Variants in ZFYVE26 observed in about 807,000 individuals in gnomAD.
ZFYVE26 encodes zinc finger FYVE-type containing 26.
In ZFYVE26, 181 loss-of-function variants were observed where a neutral mutation model predicts 276.5. The observed-to-expected ratio is 0.65, with a 90% CI of 0.58 to 0.74. The LOEUF is 0.74. Among genes scored for constraint, ZFYVE26 ranks in the 30% least tolerant of loss-of-function variants. The pLI is 0.00. For synonymous variants in ZFYVE26, 1,129 were observed against 1,203.1 expected (o/e 0.94, Z 1.27); for missense variants, 2,821 against 3,097.9 (o/e 0.91, Z 2.12).
chr14:67,796,128 A>AT (rs1421621771), intron 12 of ZFYVE26: 1 of 152,170 alleles, frequency 6.6e-6, no homozygotes, highest in African/African-American at 2.4e-5. Flanking sequence ...TCAGAGCTGG[A>AT]TGGAGGGATC....
At chr14:67,797,434 T>G in intron 12 of ZFYVE26, 7 of 565,900 alleles carry the variant, frequency 1.2e-5, no homozygotes, top group Non-Finnish European at 2.2e-5. Context: ...GCTGCAGTTC[T>G]CAATATATAG....
intron 28 of ZFYVE26, 76 bp downstream of exon 28, chr14:67,771,971 T>G (rs1192920321): frequency 1.3e-6 from 2 of 1,564,484 alleles, no homozygotes; most frequent in Admixed American, 1.8e-5. Context: ...AGGCGGTGAT[T>G]GTAAACTCAG....
At chr14:67,732,901 T>C (rs2038301931) in intron 13 of ZFYVE26, among the ~76,000 whole-genome samples, 2 of 152,112 alleles carry the variant, frequency 1.3e-5, no homozygotes, top group Admixed American at 1.3e-4. Context: ...TTTCTTCTTT[T>C]ATCAGCACTG....
chr14:67,748,501 T>G lies in ZFYVE26; in HGVS notation c.7555A>C (p.Ile2519Leu). The change falls in exon 42 of 42, where the codon ATC becomes CTC. Residue 2519 changes from isoleucine to leucine, a missense_variant. Physicochemically the swap from Ile to Leu is conservative, Grantham distance 5. Transcript: ENST00000347230. ...KSSGDAVVQD[I>L]CAQWLLTSHP... is the part of the protein sequence containing the mutation. The stretch of plus-strand genomic sequence containing the variant: ...CTTGTCAGAAGCCACTGGGCACAGA[T>G]GTCTTGCACTACTGCATCCCCGCTG... 6.2e-7 allele frequency: 1 copy of G among 1,613,766 alleles called. No homozygotes were observed. Among genetic ancestry groups the G allele is most frequent in the African/African-American group, 1.3e-5 (1 of 75,058 alleles).
chr14:67,771,741 T>C (rs2039215170), intron 28 of ZFYVE26, among the ~76,000 whole-genome samples: 1 of 152,144 alleles, frequency 6.6e-6, no homozygotes, highest in Admixed American at 6.5e-5. Flanking sequence ...AGTCTTACTG[T>C]CAAAGACATG....
intron 25 of ZFYVE26, among the ~76,000 whole-genome samples, chr14:67,776,471 G>A (rs995948582): frequency 1.3e-5 from 2 of 152,330 alleles, no homozygotes; most frequent in South Asian, 4.1e-4. Flanking sequence ...AATAACACTT[G>A]CTTTACAAAT....
chr14:67,780,978 T>G (rs2039483172), intron 22 of ZFYVE26, among the ~76,000 whole-genome samples: 1 of 152,210 alleles, frequency 6.6e-6, no homozygotes, highest in Non-Finnish European at 1.5e-5. Context: ...AAATAGCTCT[T>G]GAAATGTTGC....
intron 37 of ZFYVE26, among the ~76,000 whole-genome samples, chr14:67,754,434 G>T (rs1011095635): frequency 2.6e-5 from 4 of 152,248 alleles, no homozygotes; most frequent in Non-Finnish European, 4.4e-5. Context: ...TGTGGAACCA[G>T]ATAGGGTCCA....
chr14:67,744,002 A>T (rs181511380), downstream of ZFYVE26, among the ~76,000 whole-genome samples: 2 of 152,360 alleles, frequency 1.3e-5, no homozygotes, highest in Admixed American at 1.3e-4. Context: ...TCCACCAAAG[A>T]AGCCATTCAG....
Position 67,807,547 on chromosome 14 carries a change from G to C in ZFYVE26, c.737C>G (p.Ala246Gly). ...CAGGGGACTCCCCTCGGTCCTGCAG[G>C]CCTCTAGTAGTTCCTCACACAGGAG... ...LHLLCEELLE[A>G]CRTEGSPLRE... The change falls in exon 5 of 42, where the codon GCC becomes GGC. Residue 246 changes from alanine to glycine, a missense_variant. Ala to Gly is a moderately conservative substitution (Grantham distance 60). Transcript: ENST00000347230. 1 of 1,614,204 alleles carries C rather than the reference G, an allele frequency of 6.2e-7. No individual in the cohort carries two copies. The highest frequency in any genetic ancestry group is 8.5e-7 in the Non-Finnish European group (1 of 1,180,036).
rs2039306187 is a variant in ZFYVE26, at chr14:67,775,085, G to A, written c.5251C>T (p.His1751Tyr). The stretch of plus-strand genomic sequence containing the variant: ...AGGGTCTCGGGATCTGCAGCCTGGT[G>A]GACAATTTCTTGGAGGTGAATCACA... ...DSVIHLQEIV[H>Y]QAADPETLPR... The change falls in exon 27 of 42, where the codon CAC becomes TAC. Residue 1751 changes from histidine (H) to tyrosine (Y), a missense_variant. His to Tyr is a moderately conservative substitution (Grantham distance 83). Coordinates refer to ENST00000347230, the MANE Select transcript of ZFYVE26 (RefSeq NM_015346.4). 6.2e-7 allele frequency: 1 copy of A among 1,611,642 alleles called. No individual in the cohort carries two copies. The highest frequency in any genetic ancestry group is 8.5e-7 in the Non-Finnish European group (1 of 1,179,240).
At chr14:67,792,470 A>G (rs1315681254) in intron 14 of ZFYVE26, among the ~76,000 whole-genome samples, 1 of 152,212 alleles carries the variant, frequency 6.6e-6, no homozygotes, top group Non-Finnish European at 1.5e-5. Flanking sequence ...ACCAGGTATT[A>G]CATTTAACTC....
chr14:67,748,322 C>G lies in ZFYVE26; in HGVS notation c.*114G>C. On this transcript the variant is annotated 3_prime_UTR_variant, in exon 42 of 42. Transcript: ENST00000347230. ...TAGGGTCCAATCCAACTCTTTCCAA[C>G]CTAGGGCAGAGCCAGAGAAGTCCCA... 8.0e-7 allele frequency: 1 copy of G among 1,253,454 alleles called. No individual in the cohort carries two copies. The highest frequency in any genetic ancestry group is 1.1e-6 in the Non-Finnish European group (1 of 901,026). 77.6% of individuals were successfully genotyped at this position (1,253,454 alleles called of 1,614,324 possible). A position where few individuals can be genotyped will look rare whatever the true frequency, so the allele number is the denominator to read the frequency against.
At chr14:67,762,572 G>T in intron 33 of ZFYVE26, 100 bp downstream of exon 33, 1 of 1,588,178 alleles carries the variant, frequency 6.3e-7, no homozygotes, top group Non-Finnish European at 8.6e-7. Context: ...TACCCCATGG[G>T]CAGGACAACT....
In ZFYVE26 at chr14:67,805,295, C is replaced by T. The variant is rs148051385; in HGVS notation, c.1193G>A (p.Cys398Tyr). Residue 398 changes from cysteine to tyrosine, a missense_variant, in exon 8 of 42, where the codon TGT (cysteine) becomes TAT (tyrosine). By Grantham distance (194) the Cys-to-Tyr change is radical (BLOSUM62 -2). Coordinates refer to ENST00000347230, the MANE Select transcript of ZFYVE26 (RefSeq NM_015346.4). ...ACAGGCATCCCTGAGGAGCTCATCA[C>T]AGCCTGGGCCCTATGTTGATATGGG... ...QTLHRTQGPG[C>Y]DELLRDACDG... The T allele has an allele frequency of 1.3e-5, 21 of 1,614,028 alleles. No individual in the cohort carries two copies. The African/African-American group carries it at 1.7e-4, about 13-fold the overall frequency.
Position 67,798,092 on chromosome 14 carries a change from T to C in ZFYVE26, c.2170A>G (p.Ser724Gly), listed in dbSNP as rs763828801. The C allele has an allele frequency of 6.2e-7, 1 of 1,614,184 alleles. No individual in the cohort carries two copies. The highest frequency in any genetic ancestry group is 8.5e-7 in the Non-Finnish European group (1 of 1,180,018). Residue 724 changes from serine to glycine, a missense_variant, in exon 11 of 42, where the codon AGC becomes GGC. Physicochemically the swap from Ser to Gly is moderately conservative, Grantham distance 56. Transcript: ENST00000347230. ...SCSGSRDGLQ[S>G]RLHRLSKVVS... ...ACCTTGGAAAGTCGATGCAGGCGGC[T>C]CTGCAGTCCATCTCTGCTTCCTGAG... is the stretch of plus-strand genomic sequence containing the variant.
Position 67,773,551 on chromosome 14 carries a change from GC to G in ZFYVE26, c.5321-1342del, listed in dbSNP as rs139760453. Among the ~76,000 whole-genome samples, 1,231 of 125,828 alleles carry G rather than the reference GC, an allele frequency of 9.8e-3. 21 individuals carry two copies. The highest frequency in any genetic ancestry group is 0.033 in the African/African-American group (1,197 of 36,328). The allele number at this position is 125,828 out of a possible 152,430, so 82.5% of individuals were successfully genotyped here. On this transcript the variant is annotated intron_variant, in intron 27 of 41. Coordinates refer to ENST00000347230, the MANE Select transcript of ZFYVE26 (RefSeq NM_015346.4). The stretch of plus-strand genomic sequence containing the variant: ...CCTGTCTCCAAAAAAAAAAAAAAAG[GC>G]GCACACACACACACACACACCCCAA...
chr14:67,784,353 T>C lies in ZFYVE26; in HGVS notation c.3607A>G (p.Arg1203Gly). 6.2e-7 allele frequency: 1 copy of C among 1,614,088 alleles called. No individual in the cohort carries two copies. The highest frequency in any genetic ancestry group is 8.5e-7 in the Non-Finnish European group (1 of 1,179,988). Residue 1203 changes from arginine (R) to glycine (G), a missense_variant, in exon 20 of 42, where the codon AGA (arginine) becomes GGA (glycine). Arg to Gly is a moderately radical substitution (Grantham distance 125, BLOSUM62 -2). Coordinates refer to ENST00000347230, the MANE Select transcript of ZFYVE26 (RefSeq NM_015346.4). ...TCCTACCTCTCTGGGGGAACTTGTC[T>C]CTCAAACAGGAGATGTGACACCAGT... Reference protein sequence around the residue: ...SQLVSHLLFERQVPPERLAAL... With the variant: ...SQLVSHLLFEGQVPPERLAAL...
Position 67,768,546 on chromosome 14 carries a change from A to G in ZFYVE26, c.5624T>C (p.Val1875Ala). 6.2e-7 allele frequency: 1 copy of G among 1,614,146 alleles called. No homozygotes were observed. Among genetic ancestry groups the G allele is most frequent in the Non-Finnish European group, 8.5e-7 (1 of 1,179,976 alleles). The change falls in exon 30 of 42, where the codon GTA (valine) becomes GCA (alanine). Residue 1875 changes from valine to alanine, a missense_variant and splice_region_variant. Coordinates refer to ENST00000347230, the MANE Select transcript of ZFYVE26 (RefSeq NM_015346.4). ...TGGTTTTTCTGAAGGCTCCTCTGGTACACTGAAAACAGAGAAAGAAAAATT... is the reference window on the plus strand; with the variant it reads ...TGGTTTTTCTGAAGGCTCCTCTGGTGCACTGAAAACAGAGAAAGAAAAATT... ...DQCYSYCNKD[V>A]PEEPSEKPEA... is the part of the protein sequence containing the mutation.
Sources: gnomAD v4.1 joint callset for allele counts (sites outside exome capture counted in the v4.1 genomes callset) on GRCh38, gnomAD v4.1.1 for gene constraint, MANE v1.5 for transcripts, NCBI Gene and HGNC (gene_info 2026-07-23, HGNC 2026-07-21) for gene names.